FYN: variants seen among roughly 807,000 people sequenced by gnomAD.
The protein encoded by FYN is FYN proto-oncogene, Src family tyrosine kinase.
FYN carries 10 observed loss-of-function variants against 70.2 expected under a neutral mutation model. The ratio of observed to expected loss-of-function variants is 0.14; its 90% CI spans 0.09 to 0.24. The LOEUF is 0.24. FYN is among the 10% of genes least tolerant of loss of function. The probability of loss-of-function intolerance (pLI) is 1.00; values close to 1 mark genes in which losing one functional copy is unlikely to be tolerated. For synonymous variants in FYN, 236 were observed against 248.6 expected, an observed-to-expected ratio of 0.95 and a Z score of 0.48; for missense variants, 319 against 673.1, an observed-to-expected ratio of 0.47 and a Z score of 5.82.
chr6:111,766,343 T>C (rs1803228807), intron 3 of FYN, among the ~76,000 whole-genome samples: 1 of 152,132 alleles, frequency 6.6e-6, no homozygotes, highest in African/African-American at 2.4e-5. Flanking sequence ...CATCATCTAT[T>C]TTCCTCCCAG....
At chr6:111,699,722 A>G in intron 9 of FYN, 2 of 1,529,652 alleles carry the variant, frequency 1.3e-6, no homozygotes, top group Non-Finnish European at 1.8e-6. Flanking sequence ...ATCCATAATT[A>G]TGCATGCACT....
intron 3 of FYN, among the ~76,000 whole-genome samples, chr6:111,738,969 T>C (rs1234694544): frequency 6.6e-6 from 1 of 152,178 alleles, no homozygotes; most frequent in African/African-American, 2.4e-5. Context: ...AGTTGTATAA[T>C]GGTGCTCTGT....
At chr6:111,702,833 T>A in intron 8 of FYN, 52 bp downstream of exon 8, 2 of 1,580,006 alleles carry the variant, frequency 1.3e-6, no homozygotes, top group Non-Finnish European at 1.7e-6. Context: ...TCTGGGCCTA[T>A]CCACTCCCTC....
intron 3 of FYN, among the ~76,000 whole-genome samples, chr6:111,722,469 C>T (rs1475505573): frequency 6.6e-6 from 1 of 152,192 alleles, no homozygotes; most frequent in African/African-American, 2.4e-5. Context: ...TTAACTCTTT[C>T]GTGGTGGAAA....
At chr6:111,863,424 T>C (rs1047583161) in intron 1 of FYN, among the ~76,000 whole-genome samples, 4 of 152,192 alleles carry the variant, frequency 2.6e-5, no homozygotes, top group Admixed American at 2.0e-4. Context: ...GACATGACAT[T>C]TGTGTGGAAA....
chr6:111,863,784 T>A (rs1023653652), intron 1 of FYN, among the ~76,000 whole-genome samples: 8 of 152,210 alleles, frequency 5.3e-5, no homozygotes, highest in Non-Finnish European at 1.0e-4. Context: ...AAATTACAAG[T>A]TAAGAGGTCT....
In FYN at chr6:111,798,015, G is replaced by A. The variant is rs576380141; in HGVS notation, c.-81-17380C>T. ...TGACCTCAGGTGATCCGCCCGCCTC[G>A]GCCTCCCAAAGTGCTGGGATTACAG... On this transcript the variant is annotated intron_variant, in intron 2 of 13. Coordinates refer to ENST00000354650, the MANE Select transcript of FYN (RefSeq NM_002037.5). Among the ~76,000 whole-genome samples the A allele has an allele frequency of 1.3e-3, 192 of 151,984 alleles. 1 individual carries two copies. Among genetic ancestry groups the A allele is most frequent in the African/African-American group, 3.4e-3 (140 of 41,480 alleles).
chr6:111,698,593 C>T (rs1057500290), intron 9 of FYN, among the ~76,000 whole-genome samples: 2 of 152,064 alleles, frequency 1.3e-5, no homozygotes, highest in African/African-American at 2.4e-5. Context: ...TTGAGTGGGG[C>T]CTAAACCCAT....
chr6:111,702,584 GAA>G (rs1179793388), intron 8 of FYN: 3 of 244,464 alleles, frequency 1.2e-5, no homozygotes, highest in Non-Finnish European at 2.3e-5. Flanking sequence ...CGGGGAATGG[GAA>G]AAGACAACTT....
At chr6:111,678,798 C>T (rs1012777059) in intron 12 of FYN, among the ~76,000 whole-genome samples, 2 of 152,210 alleles carry the variant, frequency 1.3e-5, no homozygotes, top group Non-Finnish European at 2.9e-5. Context: ...TTTTTCATCA[C>T]TGTGCACTCA....
intron 6 of FYN, among the ~76,000 whole-genome samples, chr6:111,704,465 G>C (rs1799977294): frequency 1.3e-5 from 2 of 152,152 alleles, no homozygotes; most frequent in Admixed American, 6.5e-5. Context: ...TTATCTAAAA[G>C]ACTCTAGTCT....
intron 2 of FYN, among the ~76,000 whole-genome samples, chr6:111,833,529 G>A (rs895767874): frequency 6.6e-5 from 10 of 152,090 alleles, no homozygotes; most frequent in Non-Finnish European, 1.2e-4. Context: ...AGAGAGAAAC[G>A]GGTGTTTCCA....
chr6:111,761,396 T>G (rs1341639413), intron 3 of FYN, among the ~76,000 whole-genome samples: 1 of 152,176 alleles, frequency 6.6e-6, no homozygotes, highest in Non-Finnish European at 1.5e-5. Context: ...GCTGATGGAG[T>G]AGTTAACTCA....
chr6:111,835,236 A>T (rs1254166165), intron 2 of FYN, among the ~76,000 whole-genome samples: 3 of 152,234 alleles, frequency 2.0e-5, no homozygotes, highest in Admixed American at 2.0e-4. Flanking sequence ...CTACTGTCCT[A>T]AAGATCTGAA....
At chr6:111,699,541 T>G in intron 9 of FYN, 3 of 1,614,114 alleles carry the variant, frequency 1.9e-6, no homozygotes, top group Non-Finnish European at 2.5e-6. Flanking sequence ...GAAACACCCC[T>G]GACCCAGCTT....
chr6:111,833,142 A>G (rs1773073106), intron 2 of FYN, among the ~76,000 whole-genome samples: 1 of 151,556 alleles, frequency 6.6e-6, no homozygotes, highest in Non-Finnish European at 1.5e-5. Context: ...ACCAGGGACT[A>G]TTCCTATTTC....
chr6:111,664,373 C>T (rs1583277364), intron 13 of FYN, among the ~76,000 whole-genome samples: 1 of 152,154 alleles, frequency 6.6e-6, no homozygotes, highest in South Asian at 2.1e-4. Context: ...AAAATGGCAG[C>T]ACAGAGTTTA....
Position 111,720,081 on chromosome 6 carries a change from G to T in FYN, c.-11-19C>A. On this transcript the variant is annotated intron_variant, in intron 3 of 13. Coordinates refer to ENST00000354650, the MANE Select transcript of FYN (RefSeq NM_002037.5). ...TAAATTCCTGCCAAAGACAAAAAAGGGGGCACGTAAGCTGGGATGCTCCCT... is the reference window on the plus strand; with the variant it reads ...TAAATTCCTGCCAAAGACAAAAAAGTGGGCACGTAAGCTGGGATGCTCCCT... The T allele has an allele frequency of 6.4e-7, 1 of 1,564,562 alleles. No homozygotes were observed. The highest frequency in any genetic ancestry group is 8.7e-7 in the Non-Finnish European group (1 of 1,150,998).
intron 3 of FYN, among the ~76,000 whole-genome samples, chr6:111,735,300 A>G (rs1801660132): frequency 6.6e-6 from 1 of 152,238 alleles, no homozygotes; most frequent in African/African-American, 2.4e-5. Flanking sequence ...GTAGCTGGGT[A>G]AGTGGCTGAG....
Sources: allele counts gnomAD v4.1 joint callset (sites outside exome capture counted in the v4.1 genomes callset), GRCh38; gene constraint gnomAD v4.1.1; transcripts MANE v1.5; gene names NCBI Gene and HGNC (gene_info 2026-07-23, HGNC 2026-07-21).